NSMCE2: variants seen among roughly 807,000 people sequenced by gnomAD.
The protein encoded by NSMCE2 is E3 SUMO-protein ligase NSE2.
Under a neutral mutation model 23.8 loss-of-function variants are expected in NSMCE2, and 24 were observed. The ratio of observed to expected loss-of-function variants is 1.01; its 90% CI spans 0.73 to 1.42. The LOEUF (loss-of-function observed/expected upper bound fraction) is 1.42, where lower values mean the gene tolerates loss of function less well. NSMCE2 is among the 40% of genes most tolerant of loss of function. NSMCE2 has a pLI of 0.00. For synonymous variants in NSMCE2, 92 were observed against 94.1 expected (o/e 0.98, Z 0.13); for missense variants, 284 against 296.5 (o/e 0.96, Z 0.31).
chr8:125,300,563 C>G (rs906592466), intron 5 of NSMCE2, among the ~76,000 whole-genome samples: 3 of 152,164 alleles, frequency 2.0e-5, no homozygotes, highest in Non-Finnish European at 2.9e-5. Context: ...GGCACTGTTC[C>G]ATTCAACAGT....
rs1316221529 is a variant in NSMCE2 at position 125,102,436 on chromosome 8, T to TTGGACACAG, written c.106_107insTGGACACAG (p.Ser36delinsLeuAspThrAla). On this transcript the variant is annotated protein_altering_variant, in exon 3 of 8. Coordinates refer to ENST00000287437, the MANE Select transcript of NSMCE2 (RefSeq NM_173685.4). ...GAAAAACTTCCAAGCCTGTATCAAC[T>TTGGACACAG]CTGGTATGGACACAGCTTCTAGTGT... is the stretch of plus-strand genomic sequence containing the variant. 5 of 1,613,764 alleles carry TTGGACACAG rather than the reference T, an allele frequency of 3.1e-6. No individual in the cohort carries two copies. Among genetic ancestry groups the TTGGACACAG allele is most frequent in the Admixed American group, 3.3e-5 (2 of 60,000 alleles).
intron 3 of NSMCE2, among the ~76,000 whole-genome samples, chr8:125,119,161 C>T (rs1819154904): frequency 1.3e-5 from 2 of 152,142 alleles, no homozygotes; most frequent in Admixed American, 6.6e-5. Context: ...CTCATCTCAC[C>T]TCCTGTTACC....
chr8:125,277,599 C>G (rs892838583), intron 5 of NSMCE2, among the ~76,000 whole-genome samples: 5 of 151,994 alleles, frequency 3.3e-5, no homozygotes, highest in African/African-American at 1.2e-4. Context: ...CTCCGCCTCC[C>G]AGGTTCACGC....
chr8:125,156,264 A>G (rs1821303367), intron 4 of NSMCE2: 1 of 160,334 alleles, frequency 6.2e-6, no homozygotes, highest in South Asian at 1.5e-4. Flanking sequence ...TCTTAAAAGA[A>G]TTTTCAAAAA....
chr8:125,200,678 C>T (rs1406122202), intron 5 of NSMCE2, among the ~76,000 whole-genome samples: 1 of 152,188 alleles, frequency 6.6e-6, no homozygotes, highest in East Asian at 1.9e-4. Flanking sequence ...CGAGGAGTAT[C>T]TTTGTGGTGT....
chr8:125,302,915 G>T (rs1398037123), intron 5 of NSMCE2, among the ~76,000 whole-genome samples: 1 of 152,106 alleles, frequency 6.6e-6, no homozygotes, highest in Non-Finnish European at 1.5e-5. Context: ...GGGAATCCGG[G>T]ACAAAGAATC....
chr8:125,261,401 C>G (rs1826686620), intron 5 of NSMCE2, among the ~76,000 whole-genome samples: 1 of 152,204 alleles, frequency 6.6e-6, no homozygotes, highest in African/African-American at 2.4e-5. Context: ...TTTATTGAAG[C>G]ATCTGCTCTT....
At chr8:125,162,492 T>G (rs1229050930) in intron 4 of NSMCE2, among the ~76,000 whole-genome samples, 1 of 152,208 alleles carries the variant, frequency 6.6e-6, no homozygotes, top group Non-Finnish European at 1.5e-5. Flanking sequence ...TTAATGATTT[T>G]TTTTTTCTGT....
At chr8:125,301,558 C>T (rs1828563527) in intron 5 of NSMCE2, among the ~76,000 whole-genome samples, 1 of 152,074 alleles carries the variant, frequency 6.6e-6, no homozygotes, top group Admixed American at 6.6e-5. Context: ...GACAGCGTCC[C>T]AGTTCCTTCA....
At chr8:125,226,409 T>C (rs1179088047) in intron 5 of NSMCE2, among the ~76,000 whole-genome samples, 2 of 152,234 alleles carry the variant, frequency 1.3e-5, no homozygotes, top group Non-Finnish European at 2.9e-5. Context: ...CCTTTGTAAC[T>C]GAAGCTAGTG....
rs553833892 is a variant in NSMCE2, at chr8:125,102,307, G to C, written c.-14-10G>C. 5.6e-6 allele frequency: 9 copies of C among 1,598,536 alleles called. No homozygotes were observed. The South Asian group carries it at 1.0e-4, about 18-fold the overall frequency. On this transcript the variant is annotated splice_polypyrimidine_tract_variant and intron_variant, in intron 2 of 7. Coordinates refer to ENST00000287437, the MANE Select transcript of NSMCE2 (RefSeq NM_173685.4). Reference sequence around the variant, plus strand: ...TTACGAATCTTGTTTCATTGTGTTTGAAAACTTAGGTACTAATTTCAAGAT... The same window carrying C: ...TTACGAATCTTGTTTCATTGTGTTTCAAAACTTAGGTACTAATTTCAAGAT...
chr8:125,306,440 A>ATC (rs1586745412), intron 5 of NSMCE2, among the ~76,000 whole-genome samples: 1 of 149,890 alleles, frequency 6.7e-6, no homozygotes, highest in African/African-American at 2.4e-5. Flanking sequence ...AAATTTCTCT[A>ATC]TCTCTCTCTC....
intron 3 of NSMCE2, among the ~76,000 whole-genome samples, chr8:125,123,756 A>T (rs1451406256): frequency 6.6e-6 from 1 of 152,250 alleles, no homozygotes; most frequent in East Asian, 1.9e-4. Context: ...AATTCATTTC[A>T]GCAGATAATT....
intron 4 of NSMCE2, among the ~76,000 whole-genome samples, chr8:125,176,769 G>A (rs899403933): frequency 5.9e-5 from 9 of 152,156 alleles, no homozygotes; most frequent in East Asian, 1.9e-4. Context: ...TAAAGATCCC[G>A]ATTTCTAAGT....
In NSMCE2 at chr8:125,324,865, C is replaced by G. The variant is rs1190933692; in HGVS notation, c.419-32354C>G. On this transcript the variant is annotated intron_variant, in intron 5 of 7. Coordinates refer to ENST00000287437, the MANE Select transcript of NSMCE2 (RefSeq NM_173685.4). Reference sequence around the variant, plus strand: ...CTGGGATTACAGGCATGAGCCACCGCGCCCGGCCCATTTTGATAAAATTCT... The same window carrying G: ...CTGGGATTACAGGCATGAGCCACCGGGCCCGGCCCATTTTGATAAAATTCT... 5.8e-5 allele frequency among the ~76,000 whole-genome samples: 3 copies of G among 52,160 alleles called. 1 individual carries two copies. The highest frequency in any genetic ancestry group is 1.1e-4 in the African/African-American group (3 of 28,288). The allele number at this position is 52,160 out of a possible 152,430, so 34.2% of individuals were successfully genotyped here.
At chr8:125,327,526 A>G (rs1829717789) in intron 5 of NSMCE2, among the ~76,000 whole-genome samples, 1 of 151,996 alleles carries the variant, frequency 6.6e-6, no homozygotes, top group Admixed American at 6.6e-5. Context: ...AAAGTAAGAG[A>G]GTGTTTTTTT....
chr8:125,197,519 G>A (rs955398030), intron 5 of NSMCE2, among the ~76,000 whole-genome samples: 1 of 152,134 alleles, frequency 6.6e-6, no homozygotes, highest in Non-Finnish European at 1.5e-5. Flanking sequence ...GATGTGTGGT[G>A]TTATTTCTGA....
intron 5 of NSMCE2, among the ~76,000 whole-genome samples, chr8:125,222,695 A>G (rs1285541340): frequency 6.6e-6 from 1 of 152,182 alleles, no homozygotes; most frequent in African/African-American, 2.4e-5. Flanking sequence ...CAAATGACAG[A>G]ATTTCTTTTT....
intron 3 of NSMCE2, among the ~76,000 whole-genome samples, chr8:125,141,578 G>C (rs1820375424): frequency 1.3e-5 from 2 of 152,162 alleles, no homozygotes. Context: ...AAGGTAATAG[G>C]TGCAGGGTGC....
Sources: gnomAD v4.1 joint callset for allele counts (sites outside exome capture counted in the v4.1 genomes callset) on GRCh38, gnomAD v4.1.1 for gene constraint, MANE v1.5 for transcripts, NCBI Gene and HGNC (gene_info 2026-07-23, HGNC 2026-07-21) for gene names.